The following KLHL1 variants were observed in gnomAD, a reference collection of about 807,000 sequenced individuals.
The protein encoded by KLHL1 is kelch-like protein 1.
In KLHL1, 47 loss-of-function variants were observed where a neutral mutation model predicts 77.7. The observed-to-expected ratio is 0.60, with a 90% CI of 0.48 to 0.77. The LOEUF (loss-of-function observed/expected upper bound fraction) is 0.77. KLHL1 is among the 30% of genes least tolerant of loss of function. The pLI, the probability that KLHL1 is intolerant of heterozygous loss-of-function variation, is 0.00. For synonymous variants in KLHL1, 360 were observed against 325.2 expected (o/e 1.11, Z -1.15); for missense variants, 925 against 910.8 (o/e 1.02, Z -0.20).
intron 1 of KLHL1, among the ~76,000 whole-genome samples, chr13:70,037,768 A>G (rs1324034280): frequency 6.6e-6 from 1 of 152,158 alleles, no homozygotes; most frequent in Non-Finnish European, 1.5e-5. Flanking sequence ...GTCCTAAAAT[A>G]CACACATTAA....
intron 3 of KLHL1, among the ~76,000 whole-genome samples, chr13:69,942,302 T>G (rs1376415210): frequency 6.6e-6 from 1 of 152,050 alleles, no homozygotes; most frequent in Admixed American, 6.6e-5. Context: ...CAGGTTGCAC[T>G]AAATTTGAAA....
chr13:69,865,771 C>G (rs1179021787), intron 5 of KLHL1, among the ~76,000 whole-genome samples: 1 of 152,064 alleles, frequency 6.6e-6, no homozygotes, highest in East Asian at 1.9e-4. Flanking sequence ...AAACACATTT[C>G]TAGGCATTGT....
Position 70,023,744 on chromosome 13 carries a change from A to G in KLHL1, c.498-47942T>C, listed in dbSNP as rs78569666. Among the ~76,000 whole-genome samples the G allele has an allele frequency of 2.3e-3, 351 of 151,894 alleles. 9 individuals carry two copies. In the East Asian group the frequency reaches 0.062, roughly 27 times the overall value. On this transcript the variant is annotated intron_variant, in intron 1 of 10. Transcript: ENST00000377844. ...TATGGCTTTGTTTGACTGCTTTCTC[A>G]TGGTTGTTTTCTAGCTTTCTAGCTT...
chr13:69,822,890 T>C (rs960050466), intron 6 of KLHL1, among the ~76,000 whole-genome samples: 3 of 152,278 alleles, frequency 2.0e-5, no homozygotes, highest in East Asian at 1.9e-4. Flanking sequence ...CTAATAAATA[T>C]AGTGGGTTTA....
At chr13:69,947,794 G>C (rs1002201341) in intron 3 of KLHL1, among the ~76,000 whole-genome samples, 1 of 152,092 alleles carries the variant, frequency 6.6e-6, no homozygotes, top group Non-Finnish European at 1.5e-5. Flanking sequence ...CCTCATGCAT[G>C]CTGTATTTCT....
chr13:69,892,699 G>A (rs1881468682), intron 4 of KLHL1, among the ~76,000 whole-genome samples: 1 of 152,142 alleles, frequency 6.6e-6, no homozygotes, highest in African/African-American at 2.4e-5. Context: ...ATGCATAAAT[G>A]ATACTTCGGG....
rs1053305097 is a variant in KLHL1 at position 69,939,863 on chromosome 13, G to A, written c.1014+177C>T. ...AAGAACAATAAATCCAGTATAGAAT[G>A]TGTTTTTTAAAATTAGAAAATACAT... On this transcript the variant is annotated intron_variant, in intron 4 of 10. Transcript: ENST00000377844. 9.9e-5 allele frequency among the ~76,000 whole-genome samples: 15 copies of A among 152,214 alleles called. No homozygotes were observed. In the East Asian group the frequency reaches 2.7e-3, roughly 27 times the overall value.
intron 1 of KLHL1, among the ~76,000 whole-genome samples, chr13:69,985,829 A>G (rs1884851911): frequency 6.9e-6 from 1 of 144,776 alleles, no homozygotes; most frequent in Non-Finnish European, 1.5e-5. Flanking sequence ...TTATATATAT[A>G]TCTTATGTGT....
At chr13:70,103,440 G>A (rs1013400163) in intron 1 of KLHL1, among the ~76,000 whole-genome samples, 3 of 152,052 alleles carry the variant, frequency 2.0e-5, no homozygotes, top group Admixed American at 2.0e-4. Context: ...AGGAGAATGA[G>A]GGAGTGAGGG....
chr13:69,745,224 T>A (rs1593792120), intron 7 of KLHL1, among the ~76,000 whole-genome samples: 1 of 152,000 alleles, frequency 6.6e-6, no homozygotes, highest in East Asian at 1.9e-4. Context: ...TAAGCATTTG[T>A]TCATGTGTTT....
chr13:69,888,010 A>G (rs1250234989), intron 4 of KLHL1, among the ~76,000 whole-genome samples: 2 of 152,104 alleles, frequency 1.3e-5, no homozygotes, highest in African/African-American at 4.8e-5. Context: ...CTTAGACTGG[A>G]TAATTTATAA....
intron 3 of KLHL1, among the ~76,000 whole-genome samples, chr13:69,947,942 C>G (rs1438841754): frequency 6.6e-6 from 1 of 152,030 alleles, no homozygotes; most frequent in Non-Finnish European, 1.5e-5. Flanking sequence ...CAAGGCATAA[C>G]GTTCTCAAAT....
At chr13:70,045,084 T>C (rs978267088) in intron 1 of KLHL1, among the ~76,000 whole-genome samples, 1 of 152,178 alleles carries the variant, frequency 6.6e-6, no homozygotes, top group African/African-American at 2.4e-5. Flanking sequence ...ATAGTACTAA[T>C]TGCTATTTGA....
chr13:69,875,895 A>G (rs1237504984), intron 5 of KLHL1, among the ~76,000 whole-genome samples: 1 of 151,958 alleles, frequency 6.6e-6, no homozygotes, highest in Non-Finnish European at 1.5e-5. Context: ...TGTAGAGAAG[A>G]CTATCTCAAT....
intron 8 of KLHL1, among the ~76,000 whole-genome samples, chr13:69,739,630 CA>C (rs1470548929): frequency 6.6e-6 from 1 of 152,108 alleles, no homozygotes; most frequent in Non-Finnish European, 1.5e-5. Flanking sequence ...TTTAAATCAA[CA>C]AAGATCATAA....
chr13:69,806,950 G>A (rs998238789), intron 6 of KLHL1, among the ~76,000 whole-genome samples: 2 of 152,162 alleles, frequency 1.3e-5, no homozygotes, highest in Admixed American at 6.5e-5. Context: ...AGACACAAGT[G>A]GACCATACAC....
intron 5 of KLHL1, among the ~76,000 whole-genome samples, chr13:69,858,228 T>C (rs1879998147): frequency 6.6e-6 from 1 of 152,020 alleles, no homozygotes; most frequent in Non-Finnish European, 1.5e-5. Context: ...TGTTAAGACA[T>C]ACAAGCCTCT....
chr13:69,726,907 G>A (rs2137907182), intron 8 of KLHL1, among the ~76,000 whole-genome samples: 1 of 152,126 alleles, frequency 6.6e-6, no homozygotes, highest in South Asian at 2.1e-4. Flanking sequence ...ACATGTTTGT[G>A]AAATTTTTTA....
chr13:69,876,062 A>G (rs1050155517), intron 5 of KLHL1, among the ~76,000 whole-genome samples: 3 of 152,090 alleles, frequency 2.0e-5, no homozygotes, highest in African/African-American at 7.2e-5. Flanking sequence ...AAGAGTTTTA[A>G]TTTTTTCCTT....
Sources: gnomAD v4.1 joint callset for allele counts (sites outside exome capture counted in the v4.1 genomes callset) on GRCh38, gnomAD v4.1.1 for gene constraint, MANE v1.5 for transcripts, NCBI Gene and HGNC (gene_info 2026-07-23, HGNC 2026-07-21) for gene names.